The following MARCHF4 variants were observed in gnomAD, a reference collection of about 807,000 sequenced individuals.
MARCHF4 encodes E3 ubiquitin-protein ligase MARCHF4.
Under a neutral mutation model 43.9 loss-of-function variants are expected in MARCHF4, and 14 were observed. The observed-to-expected ratio is 0.32, with a 90% CI of 0.21 to 0.50. MARCHF4 has a LOEUF of 0.50. MARCHF4 is among the 20% of genes least tolerant of loss of function. The pLI is 0.98. For synonymous variants in MARCHF4, 226 were observed against 213.3 expected (o/e 1.06, Z -0.52); for missense variants, 468 against 536.7 (o/e 0.87, Z 1.27).
At chr2:216,310,648 G>C (rs1476879094) in intron 1 of MARCHF4, among the ~76,000 whole-genome samples, 2 of 152,186 alleles carry the variant, frequency 1.3e-5, no homozygotes, top group Admixed American at 6.5e-5. Context: ...GGGTAAGCTT[G>C]CTCTCTGCTG....
intron 1 of MARCHF4, among the ~76,000 whole-genome samples, chr2:216,317,126 C>A (rs1269581942): frequency 1.3e-5 from 2 of 152,194 alleles, no homozygotes; most frequent in Admixed American, 6.5e-5. Flanking sequence ...CCCCCACCCC[C>A]CAAAGCCATA....
At chr2:216,339,816 C>G (rs1200123655) in intron 1 of MARCHF4, among the ~76,000 whole-genome samples, 1 of 152,110 alleles carries the variant, frequency 6.6e-6, no homozygotes, top group Non-Finnish European at 1.5e-5. Flanking sequence ...TAGAGACCCT[C>G]CAGGAGATCC....
chr2:216,313,366 T>C (rs1559096620), intron 1 of MARCHF4, among the ~76,000 whole-genome samples: 1 of 152,246 alleles, frequency 6.6e-6, no homozygotes, highest in African/African-American at 2.4e-5. Flanking sequence ...AAGTTGAACA[T>C]TTCTAGTTCA....
At chr2:216,350,295 C>A (rs1692382237) in intron 1 of MARCHF4, among the ~76,000 whole-genome samples, 1 of 131,134 alleles carries the variant, frequency 7.6e-6, no homozygotes, top group African/African-American at 2.9e-5. Flanking sequence ...TGTGCTACAC[C>A]CCCTCACTGT....
chr2:216,369,694 G>T lies in MARCHF4; in HGVS notation c.516+51C>A, dbSNP rs552202675. ...AGGGCAAGCAGGCGAGTAGCAATCT[G>T]CAAGACCTGAAAATACCACAGGAAG... On this transcript the variant is annotated intron_variant, in intron 1 of 3. Coordinates refer to ENST00000273067, the MANE Select transcript of MARCHF4 (RefSeq NM_020814.3). 5.5e-6 allele frequency: 8 copies of T among 1,466,330 alleles called. No homozygotes were observed. In the East Asian group the frequency reaches 1.4e-4, roughly 25 times the overall value. 90.8% of individuals were successfully genotyped at this position (1,466,330 alleles called of 1,614,324 possible).
intron 1 of MARCHF4, among the ~76,000 whole-genome samples, chr2:216,304,369 A>T (rs1186515401): frequency 6.6e-6 from 1 of 152,200 alleles, no homozygotes; most frequent in East Asian, 1.9e-4. Context: ...ATGACTTCAC[A>T]GGATATGAAT....
intron 1 of MARCHF4, among the ~76,000 whole-genome samples, chr2:216,335,698 A>G (rs977333447): frequency 2.0e-5 from 3 of 152,034 alleles, no homozygotes; most frequent in Non-Finnish European, 4.4e-5. Context: ...GATTACTTTA[A>G]TGAGCAGTAC....
intron 2 of MARCHF4, among the ~76,000 whole-genome samples, chr2:216,278,468 G>A (rs974590450): frequency 2.0e-5 from 3 of 152,034 alleles, no homozygotes; most frequent in East Asian, 1.9e-4. Flanking sequence ...CTCGTGATCC[G>A]CCCACCTCGG....
intron 1 of MARCHF4, among the ~76,000 whole-genome samples, chr2:216,310,657 T>C (rs1002958883): frequency 2.6e-5 from 4 of 152,236 alleles, no homozygotes; most frequent in Non-Finnish European, 5.9e-5. Context: ...TGCTCTCTGC[T>C]GCATGATAAC....
At chr2:216,358,303 T>G (rs1692530705) in intron 1 of MARCHF4, among the ~76,000 whole-genome samples, 1 of 152,374 alleles carries the variant, frequency 6.6e-6, no homozygotes, top group Middle Eastern at 3.4e-3. Context: ...TCAACCTTGC[T>G]AATTTTCTCC....
At chr2:216,277,477 T>C (rs1691044436) in intron 3 of MARCHF4, among the ~76,000 whole-genome samples, 195 bp downstream of exon 3, 10 of 152,170 alleles carry the variant, frequency 6.6e-5, no homozygotes, top group Admixed American at 6.5e-4. Flanking sequence ...GATCTAGATC[T>C]TCCTTCTTTT....
intron 1 of MARCHF4, among the ~76,000 whole-genome samples, chr2:216,304,611 C>T (rs539148271): frequency 2.0e-5 from 3 of 152,178 alleles, no homozygotes; most frequent in African/African-American, 7.2e-5. Context: ...ATAAGGCCAA[C>T]ATAATGTATT....
At chr2:216,285,020 G>A (rs1266181821) in intron 1 of MARCHF4, among the ~76,000 whole-genome samples, 1 of 152,136 alleles carries the variant, frequency 6.6e-6, no homozygotes, top group African/African-American at 2.4e-5. Context: ...TCATTATGAG[G>A]ATCTATGCAT....
rs921722036 is a variant in MARCHF4 at position 216,328,084 on chromosome 2, T to C, written c.516+41661A>G. On this transcript the variant is annotated intron_variant, in intron 1 of 3. Coordinates refer to ENST00000273067, the MANE Select transcript of MARCHF4 (RefSeq NM_020814.3). The stretch of plus-strand genomic sequence containing the variant: ...ATAATCCCTGTTGTAGTTCATACAG[T>C]GCTTTTACATCTACTACCTCATTTA... Among the ~76,000 whole-genome samples, 3 of 152,190 alleles carry C rather than the reference T, an allele frequency of 2.0e-5. No homozygotes were observed. The East Asian group carries it at 5.8e-4, about 29-fold the overall frequency.
chr2:216,289,237 G>A (rs2544067), intron 1 of MARCHF4, among the ~76,000 whole-genome samples: 1,751 of 131,730 alleles, frequency 0.013, 52 homozygotes, highest in African/African-American at 0.049. Context: ...TTCCCCACCC[G>A]CCCCCCACCC....
chr2:216,357,528 C>T (rs1269400922), intron 1 of MARCHF4, among the ~76,000 whole-genome samples: 1 of 152,188 alleles, frequency 6.6e-6, no homozygotes, highest in Non-Finnish European at 1.5e-5. Context: ...ACTATACTGC[C>T]TAGTCTGGTC....
At chr2:216,278,295 C>G (rs987356718) in intron 2 of MARCHF4, among the ~76,000 whole-genome samples, 1 of 152,176 alleles carries the variant, frequency 6.6e-6, no homozygotes, top group Admixed American at 6.5e-5. Flanking sequence ...ACGATCTCGG[C>G]TCATTGCAAG....
In MARCHF4 at chr2:216,370,344, G is replaced by A. The variant is rs1692739929; in HGVS notation, c.-84C>T. ...AGGACAGGTTTTGGGGGTCCACAGT[G>A]GATCTGTGTTGTGGGGGGAGTCTGC... On this transcript the variant is annotated 5_prime_UTR_variant, in exon 1 of 4. Coordinates refer to ENST00000273067, the MANE Select transcript of MARCHF4 (RefSeq NM_020814.3). The A allele has an allele frequency of 7.4e-7, 1 of 1,344,746 alleles. No individual in the cohort carries two copies. The highest frequency in any genetic ancestry group is 2.9e-5 in the Admixed American group (1 of 34,484). The allele number at this position is 1,344,746 out of a possible 1,614,324, so 83.3% of individuals were successfully genotyped here. A position where few individuals can be genotyped will look rare whatever the true frequency, so the allele number is the denominator to read the frequency against.
intron 1 of MARCHF4, among the ~76,000 whole-genome samples, chr2:216,332,501 T>C (rs1213902726): frequency 6.6e-6 from 1 of 151,784 alleles, no homozygotes; most frequent in Non-Finnish European, 1.5e-5. Context: ...AAATCACTGC[T>C]CTGTATACGT....
Sources: gnomAD v4.1 joint callset for allele counts (sites outside exome capture counted in the v4.1 genomes callset) on GRCh38, gnomAD v4.1.1 for gene constraint, MANE v1.5 for transcripts, NCBI Gene and HGNC (gene_info 2026-07-23, HGNC 2026-07-21) for gene names.